Variants in NKAIN2 observed in about 807,000 individuals in gnomAD.
NKAIN2 encodes sodium/potassium transporting ATPase interacting 2.
In NKAIN2, 14 loss-of-function variants were observed where a neutral mutation model predicts 32.6. The observed-to-expected ratio is 0.43, with a 90% CI of 0.28 to 0.67. NKAIN2 has a LOEUF of 0.67. Among genes scored for constraint, NKAIN2 ranks in the 30% least tolerant of loss-of-function variants. The pLI is 0.17. For missense variants in NKAIN2, 198 were observed against 258.3 expected, an observed-to-expected ratio of 0.77 and a Z score of 1.60; for synonymous variants, 80 against 87.2, an observed-to-expected ratio of 0.92 and a Z score of 0.46.
At chr6:124,429,901 G>A (rs1194775901) in intron 3 of NKAIN2, among the ~76,000 whole-genome samples, 4 of 152,092 alleles carry the variant, frequency 2.6e-5, no homozygotes, top group African/African-American at 9.7e-5. Flanking sequence ...ATGCTAGAAA[G>A]AATTAGCATC....
intron 1 of NKAIN2, among the ~76,000 whole-genome samples, chr6:123,877,586 T>C (rs1220141737): frequency 6.6e-6 from 1 of 152,188 alleles, no homozygotes; most frequent in Non-Finnish European, 1.5e-5. Flanking sequence ...TAGGTAATGA[T>C]GGAATGTGCT....
intron 2 of NKAIN2, among the ~76,000 whole-genome samples, chr6:124,348,777 GC>G (rs1296822973): frequency 6.6e-6 from 1 of 152,234 alleles, no homozygotes; most frequent in Non-Finnish European, 1.5e-5. Context: ...CCTTGCATGA[GC>G]CGAAGCAGGG....
intron 1 of NKAIN2, among the ~76,000 whole-genome samples, chr6:123,809,308 T>G (rs1032088597): frequency 4.7e-5 from 7 of 149,992 alleles, no homozygotes; most frequent in African/African-American, 1.7e-4. Context: ...ATAAAATACA[T>G]AAGCCATCAA....
chr6:124,410,029 C>T (rs974172147), intron 3 of NKAIN2, among the ~76,000 whole-genome samples: 33 of 152,156 alleles, frequency 2.2e-4, no homozygotes, highest in South Asian at 8.3e-4. Flanking sequence ...TCTGTGGGAT[C>T]GGTGGTGATA....
At chr6:124,673,570 A>G (rs1355107028) in intron 4 of NKAIN2, among the ~76,000 whole-genome samples, 1 of 152,040 alleles carries the variant, frequency 6.6e-6, no homozygotes, top group African/African-American at 2.4e-5. Flanking sequence ...GTTGTTTAAT[A>G]ATGGCCATCC....
intron 2 of NKAIN2, among the ~76,000 whole-genome samples, chr6:124,286,454 A>T (rs1294456694): frequency 6.6e-6 from 1 of 152,132 alleles, no homozygotes; most frequent in East Asian, 1.9e-4. Context: ...TTACTGAATT[A>T]TCCTCTTACC....
chr6:124,680,327 G>A (rs1773556131), intron 4 of NKAIN2, among the ~76,000 whole-genome samples: 1 of 152,140 alleles, frequency 6.6e-6, no homozygotes, highest in African/African-American at 2.4e-5. Context: ...GTCAAAGACA[G>A]AATCAGTATA....
chr6:123,974,958 G>T (rs115851800), intron 1 of NKAIN2, among the ~76,000 whole-genome samples: 1,554 of 152,190 alleles, frequency 0.01, 30 homozygotes, highest in African/African-American at 0.035. Flanking sequence ...CTTGACCTCT[G>T]CAGCTATCCA....
intron 1 of NKAIN2, among the ~76,000 whole-genome samples, chr6:123,824,976 G>A (rs938538250): frequency 1.3e-5 from 2 of 152,106 alleles, no homozygotes; most frequent in Non-Finnish European, 2.9e-5. Flanking sequence ...TGTGACAAAT[G>A]GCATATCAAC....
intron 3 of NKAIN2, among the ~76,000 whole-genome samples, chr6:124,613,465 G>C (rs1285578397): frequency 6.6e-6 from 1 of 152,146 alleles, no homozygotes; most frequent in Non-Finnish European, 1.5e-5. Context: ...TTATGATTTG[G>C]CTTCCCATGT....
At chr6:123,858,180 A>T (rs1432973028) in intron 1 of NKAIN2, among the ~76,000 whole-genome samples, 3 of 150,492 alleles carry the variant, frequency 2.0e-5, no homozygotes, top group Non-Finnish European at 4.4e-5. Flanking sequence ...CAGTGGCGTG[A>T]TCTCAGCTCA....
At chr6:124,691,335 T>C (rs1774247474) in intron 4 of NKAIN2, among the ~76,000 whole-genome samples, 1 of 152,136 alleles carries the variant, frequency 6.6e-6, no homozygotes, top group African/African-American at 2.4e-5. Flanking sequence ...CTCACTACTC[T>C]CAGTCTATGT....
intron 1 of NKAIN2, among the ~76,000 whole-genome samples, chr6:124,091,399 T>C (rs1784413898): frequency 1.3e-5 from 2 of 152,104 alleles, no homozygotes; most frequent in East Asian, 1.9e-4. Context: ...AAAATATGAA[T>C]GTTTCAGTAA....
intron 3 of NKAIN2, among the ~76,000 whole-genome samples, chr6:124,530,585 A>G (rs898065393): frequency 6.6e-6 from 1 of 152,190 alleles, no homozygotes; most frequent in Non-Finnish European, 1.5e-5. Context: ...GTGTGTAGAC[A>G]TATAAGGAGA....
chr6:124,708,776 G>A (rs1362581774), intron 4 of NKAIN2, among the ~76,000 whole-genome samples: 91 of 151,294 alleles, frequency 6.0e-4, no homozygotes, highest in Middle Eastern at 6.8e-3. Flanking sequence ...CAATCATGTC[G>A]TCTGCAAACA....
At chr6:124,310,528 G>A (rs1268382079) in intron 2 of NKAIN2, among the ~76,000 whole-genome samples, 1 of 151,850 alleles carries the variant, frequency 6.6e-6, no homozygotes, top group Non-Finnish European at 1.5e-5. Context: ...TACCTCCCTG[G>A]GTTGTGATTT....
At chr6:124,505,997 C>T (rs910740600) in intron 3 of NKAIN2, among the ~76,000 whole-genome samples, 2 of 151,996 alleles carry the variant, frequency 1.3e-5, no homozygotes, top group Non-Finnish European at 2.9e-5. Flanking sequence ...CACGGTGAAA[C>T]CCCGTCTCTA....
At chr6:124,098,476 T>C (rs73563164) in intron 1 of NKAIN2, among the ~76,000 whole-genome samples, 1 of 152,160 alleles carries the variant, frequency 6.6e-6, no homozygotes, top group Non-Finnish European at 1.5e-5. Flanking sequence ...ATACATTTCA[T>C]TGGTTTCACA....
intron 1 of NKAIN2, among the ~76,000 whole-genome samples, chr6:123,848,436 C>G (rs1467130381): frequency 6.6e-6 from 1 of 152,158 alleles, no homozygotes; most frequent in Non-Finnish European, 1.5e-5. Flanking sequence ...AGATGGTTGT[C>G]CTCATGCTGG....
Sources: allele counts gnomAD v4.1 joint callset (sites outside exome capture counted in the v4.1 genomes callset), GRCh38; gene constraint gnomAD v4.1.1; transcripts MANE v1.5; gene names NCBI Gene and HGNC (gene_info 2026-07-23, HGNC 2026-07-21).